FCHSD2: variants seen among roughly 807,000 people sequenced by gnomAD.
The protein encoded by FCHSD2 is F-BAR and double SH3 domains protein 2.
Under a neutral mutation model 108.1 loss-of-function variants are expected in FCHSD2, and 38 were observed. That is an observed-to-expected ratio of 0.35 (90% CI 0.27 to 0.46). The LOEUF is 0.46. Among genes scored for constraint, FCHSD2 ranks in the 20% least tolerant of loss-of-function variants. The pLI, the probability that FCHSD2 is intolerant of heterozygous loss-of-function variation, is 1.00. For synonymous variants in FCHSD2, 279 were observed against 314.7 expected (o/e 0.89, Z 1.20); for missense variants, 751 against 897.8 (o/e 0.84, Z 2.09).
chr11:73,035,150 T>TTATGTATGTATG (rs200439027), intron 3 of FCHSD2, among the ~76,000 whole-genome samples: 516 of 143,934 alleles, frequency 3.6e-3, no homozygotes, highest in Middle Eastern at 0.01. Flanking sequence ...GTTTTTATTT[T>TTATGTATGTATG]TATGTATGTA....
At chr11:73,095,720 G>A (rs550154234) in intron 2 of FCHSD2, among the ~76,000 whole-genome samples, 2 of 152,224 alleles carry the variant, frequency 1.3e-5, no homozygotes, top group African/African-American at 4.8e-5. Flanking sequence ...ACAAAAGCAG[G>A]GAACATGGGC....
rs950829038 is a variant in FCHSD2 at position 73,054,938 on chromosome 11, C to T, written c.165+28757G>A. On this transcript the variant is annotated intron_variant, in intron 3 of 19. Coordinates refer to ENST00000409418, the MANE Select transcript of FCHSD2 (RefSeq NM_014824.3). ...GGGCTGTTGTATTAGTCCATTCTCA[C>T]GCTGCTAAATAAAGACATACTTGAG... is the stretch of plus-strand genomic sequence containing the variant. Among the ~76,000 whole-genome samples, 12 of 152,016 alleles carry T rather than the reference C, an allele frequency of 7.9e-5. No homozygotes were observed. The South Asian group carries it at 8.3e-4, about 11-fold the overall frequency.
intron 3 of FCHSD2, among the ~76,000 whole-genome samples, chr11:73,018,905 G>A (rs960906360): frequency 6.6e-6 from 1 of 152,088 alleles, no homozygotes; most frequent in East Asian, 1.9e-4. Context: ...TACCTAGAAA[G>A]CACTACACAT....
At chr11:72,961,119 T>C (rs776831935) in intron 8 of FCHSD2, among the ~76,000 whole-genome samples, 3 of 152,210 alleles carry the variant, frequency 2.0e-5, no homozygotes, top group African/African-American at 4.8e-5. Context: ...TTTTATTCTT[T>C]AATATTCAGT....
intron 4 of FCHSD2, among the ~76,000 whole-genome samples, chr11:73,004,109 CAAAAAAAAAAAA>C (rs58773322): frequency 9.3e-5 from 4 of 43,076 alleles, no homozygotes; most frequent in South Asian, 3.3e-3. Flanking sequence ...ACTCCAACTC[CAAAAAAAAAAAA>C]AAAAAAAAAA....
intron 5 of FCHSD2, among the ~76,000 whole-genome samples, chr11:72,993,811 T>C (rs1443968751): frequency 2.0e-5 from 3 of 151,616 alleles, no homozygotes; most frequent in Non-Finnish European, 4.4e-5. Context: ...TAATGTTAAA[T>C]GACGAGTTAC....
chr11:73,119,412 G>A (rs866296958), intron 2 of FCHSD2, among the ~76,000 whole-genome samples: 16 of 151,996 alleles, frequency 1.1e-4, no homozygotes, highest in Middle Eastern at 3.4e-3. Flanking sequence ...AAATTTTTAT[G>A]TGCTTAATAT....
chr11:73,029,284 A>G (rs1399956518), intron 3 of FCHSD2, among the ~76,000 whole-genome samples: 1 of 152,226 alleles, frequency 6.6e-6, no homozygotes, highest in African/African-American at 2.4e-5. Context: ...AATAAGGCAG[A>G]GCAGAAAGGA....
At chr11:72,970,468 C>A (rs1392648356) in intron 8 of FCHSD2, among the ~76,000 whole-genome samples, 4 of 152,098 alleles carry the variant, frequency 2.6e-5, no homozygotes, top group Non-Finnish European at 4.4e-5. Flanking sequence ...ACATTTTAAC[C>A]TGGTTGGTTT....
chr11:73,141,840 C>T lies in FCHSD2; in HGVS notation c.21+17G>A. 2.6e-6 allele frequency: 4 copies of T among 1,543,616 alleles called. No homozygotes were observed. The highest frequency in any genetic ancestry group is 3.5e-6 in the Non-Finnish European group (4 of 1,145,714). The stretch of plus-strand genomic sequence containing the variant: ...CGCATCTCTCCGAACCCCAAAGCCC[C>T]CCAGCTGCGCCCTTACCTTCCTCGG... On this transcript the variant is annotated intron_variant, in intron 1 of 19. Coordinates refer to ENST00000409418, the MANE Select transcript of FCHSD2 (RefSeq NM_014824.3).
chr11:72,866,328 G>C (rs1854723506), intron 13 of FCHSD2, among the ~76,000 whole-genome samples: 1 of 152,144 alleles, frequency 6.6e-6, no homozygotes, highest in African/African-American at 2.4e-5. Flanking sequence ...GGAGTGCAAT[G>C]GCATGATTTT....
Position 72,838,824 on chromosome 11 carries a change from C to G in FCHSD2, c.2190G>C (p.Glu730Asp). 6.2e-7 allele frequency: 1 copy of G among 1,607,656 alleles called. No homozygotes were observed. Among genetic ancestry groups the G allele is most frequent in the Non-Finnish European group, 8.5e-7 (1 of 1,177,968 alleles). The part of the protein sequence containing the change: ...PPTQNHRRPA[E>D]KIEDVEITLV ...GTGTGATTTCCACATCTTCAATCTTCTCTGCTGGCCTTCGGTGATTCTGTG... is the reference window on the plus strand; with the variant it reads ...GTGTGATTTCCACATCTTCAATCTTGTCTGCTGGCCTTCGGTGATTCTGTG... Residue 730 changes from glutamate to aspartate, a missense_variant, in exon 20 of 20, where the codon GAG becomes GAC. Glu to Asp is a conservative substitution (Grantham distance 45). Coordinates refer to ENST00000409418, the MANE Select transcript of FCHSD2 (RefSeq NM_014824.3).
chr11:72,862,258 A>G (rs1392815764), intron 13 of FCHSD2, among the ~76,000 whole-genome samples: 6 of 152,208 alleles, frequency 3.9e-5, no homozygotes, highest in Admixed American at 3.9e-4. Context: ...CAGCAATTTT[A>G]TAGTAAGAAG....
chr11:73,116,936 C>T (rs1860618120), intron 2 of FCHSD2, among the ~76,000 whole-genome samples: 1 of 67,360 alleles, frequency 1.5e-5, no homozygotes, highest in Non-Finnish European at 2.9e-5. Context: ...CATGTAAAAC[C>T]TTTCCATTTT....
At chr11:73,071,632 C>T (rs778857580) in intron 3 of FCHSD2, among the ~76,000 whole-genome samples, 2 of 151,874 alleles carry the variant, frequency 1.3e-5, no homozygotes, top group East Asian at 1.9e-4. Flanking sequence ...ACCTGAGAGG[C>T]AGAGGCTGCA....
At chr11:73,069,994 T>C (rs1591529948) in intron 3 of FCHSD2, among the ~76,000 whole-genome samples, 1 of 152,180 alleles carries the variant, frequency 6.6e-6, no homozygotes, top group Non-Finnish European at 1.5e-5. Context: ...AGAATGCACA[T>C]ACATGGGCTT....
chr11:73,001,066 A>G lies in FCHSD2; in HGVS notation c.311T>C (p.Ile104Thr), dbSNP rs757611645. The G allele has an allele frequency of 3.7e-6, 6 of 1,613,096 alleles. No homozygotes were observed. The East Asian group carries it at 1.1e-4, about 30-fold the overall frequency. ...AATGAAGTTTTTATAGTTTTCACATATATTCATCCGAGACTGGGCTACCTG... is the reference window on the plus strand; with the variant it reads ...AATGAAGTTTTTATAGTTTTCACATGTATTCATCCGAGACTGGGCTACCTG... The part of the protein sequence containing the change: ...TMQVAQSRMN[I>T]CENYKNFISE... The change falls in exon 5 of 20, where the codon ATA becomes ACA. Residue 104 changes from isoleucine (I) to threonine (T), a missense_variant. Ile to Thr is a moderately conservative substitution (Grantham distance 89). Transcript: ENST00000409418.
intron 8 of FCHSD2, among the ~76,000 whole-genome samples, chr11:72,958,033 T>C (rs909649634): frequency 2.0e-5 from 3 of 152,236 alleles, no homozygotes; most frequent in Admixed American, 2.0e-4. Context: ...TACATATATG[T>C]CTAAACACAC....
chr11:73,107,126 T>C (rs1860363867), intron 2 of FCHSD2, among the ~76,000 whole-genome samples: 1 of 152,142 alleles, frequency 6.6e-6, no homozygotes, highest in African/African-American at 2.4e-5. Flanking sequence ...AACCTCCGCC[T>C]CCTGGGTTTC....
Sources: gnomAD v4.1 joint callset for allele counts (sites outside exome capture counted in the v4.1 genomes callset) on GRCh38, gnomAD v4.1.1 for gene constraint, MANE v1.5 for transcripts, NCBI Gene and HGNC (gene_info 2026-07-23, HGNC 2026-07-21) for gene names.